NID1: variants seen among roughly 807,000 people sequenced by gnomAD.
NID1 encodes the protein nidogen 1, also known as nidogen-1.
In NID1, 76 loss-of-function variants were observed where a neutral mutation model predicts 130.6. The observed-to-expected ratio is 0.58, with a 90% confidence interval of 0.48 to 0.70. The LOEUF (loss-of-function observed/expected upper bound fraction) is 0.70, where lower values mean the gene tolerates loss of function less well. Ranked by LOEUF, NID1 falls within the 30% of genes least tolerant of loss-of-function variation. The probability of loss-of-function intolerance (pLI) is 0.00; values close to 1 mark genes in which losing one functional copy is unlikely to be tolerated. For missense variants in NID1, 1,517 were observed against 1,664.8 expected (o/e 0.91, Z 1.54); for synonymous variants, 665 against 675.1 (o/e 0.98, Z 0.23).
intron 16 of NID1, 47 bp downstream of exon 16, chr1:235,981,564 G>A: frequency 6.4e-7 from 1 of 1,560,544 alleles, no homozygotes; most frequent in Non-Finnish European, 8.7e-7. Context: ...CTCTAAAAGG[G>A]CAGATGCAAA....
chr1:236,045,503 A>T lies in NID1; in HGVS notation c.706T>A (p.Tyr236Asn). The stretch of plus-strand genomic sequence containing the variant: ...TCCCTGTCATTAGCAAATATGTTAT[A>T]AGCTCCGTTGCTCTTCCATAAGAAT... ...VGFLWKSNGA[Y>N]NIFANDRESV... Residue 236 changes from tyrosine to asparagine, a missense_variant, in exon 3 of 20, where the codon TAT becomes AAT. Tyr to Asn is a moderately radical substitution (Grantham distance 143, BLOSUM62 -2). Around this residue, in one of 3 missense-constraint regions of NID1, gnomAD observed 1,329 missense variants for 1,429.2 expected, o/e 0.93. Transcript: ENST00000264187. 1 of 1,614,156 alleles carries T rather than the reference A, an allele frequency of 6.2e-7. No homozygotes were observed. The highest frequency in any genetic ancestry group is 8.5e-7 in the Non-Finnish European group (1 of 1,180,024).
At position 236,047,857 on chromosome 1, in the gene NID1, T is replaced by C. The variant is rs548762823; in HGVS notation, c.525+833A>G. Among the ~76,000 whole-genome samples the C allele has an allele frequency of 8.8e-4, 133 of 150,686 alleles. 1 individual carries two copies. The highest frequency in any genetic ancestry group is 1.5e-3 in the Non-Finnish European group (105 of 67,800). Reference sequence around the variant, plus strand: ...GCCTGGCCAATGTGGTGAAACCCCATCTCTACTAAAAATACAAAAATTAGC... The same window carrying C: ...GCCTGGCCAATGTGGTGAAACCCCACCTCTACTAAAAATACAAAAATTAGC... On this transcript the variant is annotated intron_variant, in intron 2 of 19. Coordinates refer to ENST00000264187, the MANE Select transcript of NID1 (RefSeq NM_002508.3).
intron 12 of NID1, among the ~76,000 whole-genome samples, chr1:235,999,333 G>T (rs1222321183): frequency 6.6e-6 from 1 of 152,144 alleles, no homozygotes; most frequent in African/African-American, 2.4e-5. Flanking sequence ...GTGGAACTTT[G>T]AAGTACTGTA....
intron 2 of NID1, 89 bp from the exon 3 acceptor site, chr1:236,045,772 A>C: frequency 2.0e-6 from 2 of 986,190 alleles, no homozygotes; most frequent in Non-Finnish European, 3.0e-6. Flanking sequence ...TAAAGCGTAC[A>C]GTGCTATAGA....
intron 3 of NID1, among the ~76,000 whole-genome samples, chr1:236,043,036 T>A (rs1305473757): frequency 6.6e-6 from 1 of 152,142 alleles, no homozygotes; most frequent in East Asian, 1.9e-4. Flanking sequence ...TTCAGAGAGC[T>A]TCTGGGTTGA....
At chr1:236,015,330 TA>T (rs1658556542) in intron 10 of NID1, among the ~76,000 whole-genome samples, 1 of 152,024 alleles carries the variant, frequency 6.6e-6, no homozygotes, top group Non-Finnish European at 1.5e-5. Context: ...AGGAGCCAAT[TA>T]AAAGGGGTGA....
At position 235,983,966 on chromosome 1, in the gene NID1, G is replaced by A. The variant is rs1333839528; in HGVS notation, c.3055+1413C>T. Among the ~76,000 whole-genome samples the A allele has an allele frequency of 2.6e-5, 4 of 151,184 alleles. No homozygotes were observed. In the East Asian group the frequency reaches 7.8e-4, roughly 29 times the overall value. On this transcript the variant is annotated intron_variant, in intron 15 of 19. Coordinates refer to ENST00000264187, the MANE Select transcript of NID1 (RefSeq NM_002508.3). Reference sequence around the variant, plus strand: ...CCTGTACCATGCTAAGGAGATAACTGGAAGCTTCTTTCTCTCTTAAAAAAA... The same window carrying A: ...CCTGTACCATGCTAAGGAGATAACTAGAAGCTTCTTTCTCTCTTAAAAAAA...
Position 236,020,735 on chromosome 1 carries a change from C to T in NID1, c.2128+3335G>A, listed in dbSNP as rs114382692. Reference sequence around the variant, plus strand: ...GCTTAATGCAATTTCCTATTTTAAGCCTCATGTCTCGATACATTAACACTT... The same window carrying T: ...GCTTAATGCAATTTCCTATTTTAAGTCTCATGTCTCGATACATTAACACTT... On this transcript the variant is annotated intron_variant, in intron 9 of 19. Transcript: ENST00000264187. Among the ~76,000 whole-genome samples, 421 of 152,298 alleles carry T rather than the reference C, an allele frequency of 2.8e-3. 3 individuals are homozygous for T. Among genetic ancestry groups the T allele is most frequent in the African/African-American group, 9.7e-3 (402 of 41,570 alleles).
At chr1:236,033,392 T>C (rs1029171627) in intron 5 of NID1, among the ~76,000 whole-genome samples, 2 of 152,184 alleles carry the variant, frequency 1.3e-5, no homozygotes, top group African/African-American at 2.4e-5. Flanking sequence ...CCTGGGAGTA[T>C]AGACATTTGC....
intron 19 of NID1, among the ~76,000 whole-genome samples, chr1:235,978,531 AG>A (rs1657339646): frequency 1.3e-5 from 2 of 152,338 alleles, no homozygotes; most frequent in Admixed American, 6.5e-5. Context: ...CCTACCTCAC[AG>A]GGTTGCTATG....
chr1:236,031,021 T>C (rs1424905879), intron 6 of NID1, among the ~76,000 whole-genome samples: 2 of 152,228 alleles, frequency 1.3e-5, no homozygotes, highest in Non-Finnish European at 2.9e-5. Context: ...AATATTGTTA[T>C]AACACTCAGA....
At chr1:236,051,645 G>A (rs1659765840) in intron 1 of NID1, among the ~76,000 whole-genome samples, 1 of 152,160 alleles carries the variant, frequency 6.6e-6, no homozygotes, top group Non-Finnish European at 1.5e-5. Flanking sequence ...CGGTCCCTCT[G>A]TCTCCCTTCC....
rs189056938 is a variant in NID1, at chr1:235,980,071, C to T, written c.3386-126G>A. The T allele has an allele frequency of 1.1e-3, 1,246 of 1,115,328 alleles. 1 individual carries two copies. The highest frequency in any genetic ancestry group is 9.9e-4 in the Non-Finnish European group (749 of 756,042). 69.1% of individuals were successfully genotyped at this position (1,115,328 alleles called of 1,614,324 possible). A position where few individuals can be genotyped will look rare whatever the true frequency, so the allele number is the denominator to read the frequency against. On this transcript the variant is annotated intron_variant, in intron 17 of 19. Coordinates refer to ENST00000264187, the MANE Select transcript of NID1 (RefSeq NM_002508.3). ...CATTACAATGACAAGTCCCAGAGAA[C>T]ACATGAGGCTTGCTCTTAAAAACTG... is the stretch of plus-strand genomic sequence containing the variant.
intron 9 of NID1, among the ~76,000 whole-genome samples, chr1:236,017,475 T>C (rs1643760094): frequency 6.6e-6 from 1 of 152,076 alleles, no homozygotes; most frequent in Admixed American, 6.5e-5. Flanking sequence ...AACCTCTGCC[T>C]CCAGGGTTCA....
intron 7 of NID1, among the ~76,000 whole-genome samples, chr1:236,026,993 G>A (rs1572604494): frequency 6.6e-6 from 1 of 150,542 alleles, no homozygotes; most frequent in East Asian, 1.9e-4. Flanking sequence ...TGCCTGCCTC[G>A]GCCTCCCAAA....
intron 10 of NID1, among the ~76,000 whole-genome samples, 199 bp from the exon 11 acceptor site, chr1:236,013,759 A>G (rs866757013): frequency 2.0e-5 from 3 of 151,932 alleles, no homozygotes; most frequent in Non-Finnish European, 4.4e-5. Context: ...TCTGCCTCTG[A>G]TGGGTCTTGG....
intron 9 of NID1, among the ~76,000 whole-genome samples, chr1:236,019,099 G>A (rs896626941): frequency 6.6e-6 from 1 of 152,230 alleles, no homozygotes; most frequent in Non-Finnish European, 1.5e-5. Flanking sequence ...AAGACACAAG[G>A]TCTCAGGACT....
intron 4 of NID1, among the ~76,000 whole-genome samples, chr1:236,041,107 T>G (rs966353336): frequency 6.6e-6 from 1 of 151,140 alleles, no homozygotes; most frequent in East Asian, 2.0e-4. Flanking sequence ...CTCACTCTGT[T>G]GCCAGGCTGG....
At chr1:235,997,204 C>T (rs1409557938) in intron 12 of NID1, among the ~76,000 whole-genome samples, 2 of 152,146 alleles carry the variant, frequency 1.3e-5, no homozygotes, top group African/African-American at 2.4e-5. Flanking sequence ...CAACTGACTT[C>T]TCCTGTTAAG....
Sources: allele counts gnomAD v4.1 joint callset (sites outside exome capture counted in the v4.1 genomes callset), GRCh38; gene constraint gnomAD v4.1.1; regional missense constraint gnomAD v4.1.1; transcripts MANE v1.5; gene names NCBI Gene and HGNC (gene_info 2026-07-23, HGNC 2026-07-21).